Variants in PRDM10 observed in about 807,000 individuals in gnomAD.
The protein encoded by PRDM10 is PR/SET domain 10.
Under a neutral mutation model 133.1 loss-of-function variants are expected in PRDM10, and 65 were observed. The ratio of observed to expected loss-of-function variants is 0.49; its 90% CI spans 0.40 to 0.60. The LOEUF (loss-of-function observed/expected upper bound fraction) is 0.60, where lower values mean the gene tolerates loss of function less well. PRDM10 is among the 20% of genes least tolerant of loss of function. The pLI is 0.00. For synonymous variants in PRDM10, 582 were observed against 580.4 expected (o/e 1.00, Z -0.04); for missense variants, 1,137 against 1,507.1 (o/e 0.75, Z 4.07).
chr11:129,903,639 G>A (rs961570812), intron 20 of PRDM10, among the ~76,000 whole-genome samples: 3 of 152,210 alleles, frequency 2.0e-5, no homozygotes, highest in Middle Eastern at 3.2e-3. Flanking sequence ...CACAGAGGAA[G>A]AGAGACGTCG....
chr11:129,913,067 A>C (rs577090083), intron 17 of PRDM10, among the ~76,000 whole-genome samples: 1 of 151,894 alleles, frequency 6.6e-6, no homozygotes, highest in East Asian at 1.9e-4. Flanking sequence ...CTCAAAAAAA[A>C]AAAATAGCCA....
intron 19 of PRDM10, among the ~76,000 whole-genome samples, chr11:129,906,511 G>A (rs952905006): frequency 7.2e-5 from 11 of 152,200 alleles, no homozygotes; most frequent in African/African-American, 2.6e-4. Flanking sequence ...CTATCACCTT[G>A]GATAGCATAA....
In PRDM10 at chr11:129,941,579, C is replaced by T. The variant is rs1207155230; in HGVS notation, c.966+847G>A. On this transcript the variant is annotated intron_variant, in intron 7 of 20. Coordinates refer to ENST00000360871, the MANE Select transcript of PRDM10 (RefSeq NM_199437.2). ...ACACGCGTTCCTGTCAATGGTTTGACTTACAAGTTTTTGACATGACGATGG... is the reference window on the plus strand; with the variant it reads ...ACACGCGTTCCTGTCAATGGTTTGATTTACAAGTTTTTGACATGACGATGG... Among the ~76,000 whole-genome samples, 6 of 152,298 alleles carry T rather than the reference C, an allele frequency of 3.9e-5. No homozygotes were observed. In the East Asian group the frequency reaches 1.2e-3, roughly 29 times the overall value.
chr11:129,986,717 C>T (rs1591698210), intron 1 of PRDM10, among the ~76,000 whole-genome samples: 2 of 152,118 alleles, frequency 1.3e-5, no homozygotes, highest in South Asian at 4.2e-4. Flanking sequence ...TCTCTAGGGT[C>T]GGGGGCCTGG....
At chr11:129,967,117 G>A (rs1280328276) in intron 1 of PRDM10, among the ~76,000 whole-genome samples, 4 of 152,154 alleles carry the variant, frequency 2.6e-5, no homozygotes, top group Admixed American at 2.0e-4. Flanking sequence ...GAAGCCGGGC[G>A]CGGTGGCTCA....
intron 1 of PRDM10, among the ~76,000 whole-genome samples, chr11:130,001,310 T>C (rs1055789607): frequency 6.6e-6 from 1 of 152,150 alleles, no homozygotes; most frequent in Admixed American, 6.5e-5. Flanking sequence ...AATGTAATAA[T>C]ACACCTTCTT....
chr11:129,992,428 A>G (rs1475643685), intron 1 of PRDM10, among the ~76,000 whole-genome samples: 1 of 152,206 alleles, frequency 6.6e-6, no homozygotes, highest in Non-Finnish European at 1.5e-5. Flanking sequence ...AGTGCTGATA[A>G]GAGGAATTTA....
intron 1 of PRDM10, among the ~76,000 whole-genome samples, chr11:129,979,673 G>C (rs138900778): frequency 6.6e-6 from 1 of 152,270 alleles, no homozygotes; most frequent in African/African-American, 2.4e-5. Context: ...CAAAGCTCTC[G>C]AGGAGAAACC....
intron 9 of PRDM10, among the ~76,000 whole-genome samples, chr11:129,934,270 CAAGTGGGCATTTAATA>C (rs1473971596): frequency 1.3e-5 from 2 of 152,224 alleles, no homozygotes; most frequent in African/African-American, 2.4e-5. Flanking sequence ...CCATGAACCC[CAAGTGGGCATTTAATA>C]GAGTGGGCAA....
intron 6 of PRDM10, 149 bp downstream of exon 6, chr11:129,944,622 G>T: frequency 2.6e-6 from 3 of 1,144,432 alleles, no homozygotes; most frequent in Non-Finnish European, 2.5e-6. Context: ...CATCTTATTA[G>T]TGAGTTTCCA....
At chr11:129,928,535 G>A (rs1171059310) in intron 11 of PRDM10, among the ~76,000 whole-genome samples, 1 of 151,872 alleles carries the variant, frequency 6.6e-6, no homozygotes, top group Non-Finnish European at 1.5e-5. Flanking sequence ...GACTACAGGT[G>A]CCTGCCACCA....
intron 1 of PRDM10, among the ~76,000 whole-genome samples, chr11:129,981,210 T>C (rs1293951803): frequency 2.0e-5 from 3 of 152,122 alleles, no homozygotes; most frequent in Admixed American, 2.0e-4. Flanking sequence ...TGTGTCAAAA[T>C]TGTTTGTGAT....
chr11:129,998,817 A>T (rs1939194765), intron 1 of PRDM10, among the ~76,000 whole-genome samples: 1 of 147,728 alleles, frequency 6.8e-6, no homozygotes, highest in Non-Finnish European at 1.5e-5. Flanking sequence ...ATGGTGTAAT[A>T]ACTTTTTTTT....
At chr11:129,951,753 G>C (rs1178847855) in intron 4 of PRDM10, among the ~76,000 whole-genome samples, 2 of 152,154 alleles carry the variant, frequency 1.3e-5, no homozygotes, top group Non-Finnish European at 2.9e-5. Context: ...TTTCCTCTCA[G>C]TGTGTGGGGA....
At chr11:129,948,112 AAATAAGACAC>A (rs1435362093) in intron 4 of PRDM10, 2 of 456,392 alleles carry the variant, frequency 4.4e-6, no homozygotes, top group Non-Finnish European at 8.8e-6. Context: ...AGTCTCCTGC[AAATAAGACAC>A]AGTTTGGGTC....
rs1951445705 is a variant in PRDM10 at position 129,947,206 on chromosome 11, C to G, written c.459G>C (p.Glu153Asp). 2 of 1,614,060 alleles carry G rather than the reference C, an allele frequency of 1.2e-6. No individual in the cohort carries two copies. Among genetic ancestry groups the G allele is most frequent in the South Asian group, 1.1e-5 (1 of 91,090 alleles). Residue 153 changes from glutamate to aspartate, a missense_variant, in exon 5 of 21, where the codon GAG (glutamate) becomes GAC (aspartate). Around this residue, in one of 6 missense-constraint regions of PRDM10, gnomAD observed 635 missense variants for 835.2 expected, o/e 0.76. Coordinates refer to ENST00000360871, the MANE Select transcript of PRDM10 (RefSeq NM_199437.2). This position sits in a 1 kb window ranked among gnomAD's most constrained non-coding sequence, Gnocchi z 4.6. ...GCTCCCAGTCATCCAGATCCGTGTC[C>G]TCACCGTCTTCTTCCTCATCTTCCT... ...DTEEDEEEDG[E>D]DTDLDDWEPD...
At chr11:129,988,610 A>C (rs910958710) in intron 1 of PRDM10, among the ~76,000 whole-genome samples, 1 of 152,042 alleles carries the variant, frequency 6.6e-6, no homozygotes, top group African/African-American at 2.4e-5. Flanking sequence ...GAAAAAAAAA[A>C]AAGAGGAGAT....
At chr11:129,917,274 C>A in intron 14 of PRDM10, 37 bp from the exon 15 acceptor site, 1 of 1,478,422 alleles carries the variant, frequency 6.8e-7, no homozygotes, top group African/African-American at 1.4e-5. Flanking sequence ...GAAAAAGAGA[C>A]CCCATTAACC....
chr11:129,908,972 C>T (rs910995653), intron 19 of PRDM10, among the ~76,000 whole-genome samples: 7 of 151,550 alleles, frequency 4.6e-5, no homozygotes, highest in East Asian at 4.0e-4. Context: ...TCAAGTGATC[C>T]GCCCACCTCG....
Sources: gnomAD v4.1 joint callset for allele counts (sites outside exome capture counted in the v4.1 genomes callset) on GRCh38, gnomAD v4.1.1 for gene constraint, gnomAD v4.1.1 regional missense constraint, Gnocchi (gnomAD v3.1) non-coding constraint, MANE v1.5 for transcripts, NCBI Gene and HGNC (gene_info 2026-07-23, HGNC 2026-07-21) for gene names.